The following PRRG4 variants were observed in gnomAD, a reference collection of about 807,000 sequenced individuals.
The protein encoded by PRRG4 is transmembrane gamma-carboxyglutamic acid protein 4.
Under a neutral mutation model 20.0 loss-of-function variants are expected in PRRG4, and 12 were observed. The observed-to-expected ratio is 0.60, with a 90% confidence interval of 0.38 to 0.97. The LOEUF is 0.97. Among genes scored for constraint, PRRG4 ranks in the 50% least tolerant of loss-of-function variants. PRRG4 has a pLI of 0.00. For synonymous variants in PRRG4, 94 were observed against 96.4 expected (o/e 0.98, Z 0.15); for missense variants, 199 against 265.1 (o/e 0.75, Z 1.73).
intron 2 of PRRG4, among the ~76,000 whole-genome samples, chr11:32,835,161 G>A (rs1383401427): frequency 1.3e-5 from 2 of 152,114 alleles, no homozygotes; most frequent in African/African-American, 4.8e-5. Flanking sequence ...TACCATATTA[G>A]ACAAAATAGT....
rs1851065920 is a variant in PRRG4 at position 32,840,272 on chromosome 11, C to G, written c.449+33C>G. ...CTAAGTGAAATTATTTAATTCATCA[C>G]TAGACATTCTATATTATTATTTTAA... On this transcript the variant is annotated intron_variant, in intron 5 of 5. Coordinates refer to ENST00000257836, the MANE Select transcript of PRRG4 (RefSeq NM_024081.6). The surrounding 1 kb of genome is among the most constrained non-coding windows in gnomAD (Gnocchi z 4.1). 5.7e-6 allele frequency: 8 copies of G among 1,414,276 alleles called. No individual in the cohort carries two copies. Among genetic ancestry groups the G allele is most frequent in the African/African-American group, 1.4e-5 (1 of 70,972 alleles). The allele number at this position is 1,414,276 out of a possible 1,614,324, so 87.6% of individuals were successfully genotyped here.
intron 5 of PRRG4, among the ~76,000 whole-genome samples, chr11:32,852,680 A>G (rs1851193206): frequency 6.6e-6 from 1 of 152,080 alleles, no homozygotes; most frequent in Non-Finnish European, 1.5e-5. Context: ...CTGTGGAGAC[A>G]GCTGATACTA....
chr11:32,835,324 AAC>A (rs1443712871), intron 2 of PRRG4, among the ~76,000 whole-genome samples: 2 of 152,268 alleles, frequency 1.3e-5, no homozygotes, highest in African/African-American at 4.8e-5. Flanking sequence ...ATCTCTCATG[AAC>A]AGTCTTTCAA....
chr11:32,832,975 C>A (rs1226280061), intron 2 of PRRG4, among the ~76,000 whole-genome samples: 1 of 152,152 alleles, frequency 6.6e-6, no homozygotes, highest in African/African-American at 2.4e-5. Flanking sequence ...TCTAAGGAAG[C>A]AGAGCCAAGG....
Position 32,838,746 on chromosome 11 carries a change from C to G in PRRG4, c.268-136C>G. 4 of 622,070 alleles carry G rather than the reference C, an allele frequency of 6.4e-6. 1 individual carries two copies. The South Asian group carries it at 7.8e-5, about 12-fold the overall frequency. The allele number at this position is 622,070 out of a possible 1,614,324, so 38.5% of individuals were successfully genotyped here. ...TGATTTAATTAGAGTGAGTCACACC[C>G]TCCAGCTTGAATGAACTGGTCTCCT... On this transcript the variant is annotated intron_variant, in intron 3 of 5. Coordinates refer to ENST00000257836, the MANE Select transcript of PRRG4 (RefSeq NM_024081.6).
intron 2 of PRRG4, among the ~76,000 whole-genome samples, chr11:32,834,932 G>A (rs200202429): frequency 6.6e-6 from 1 of 152,118 alleles, no homozygotes; most frequent in East Asian, 1.9e-4. Context: ...TCCCACCTCA[G>A]CCTCTCGAGT....
chr11:32,844,683 T>G (rs762414953), intron 5 of PRRG4, among the ~76,000 whole-genome samples: 6 of 151,922 alleles, frequency 3.9e-5, no homozygotes, highest in Non-Finnish European at 5.9e-5. Flanking sequence ...GTATTTTTAG[T>G]AGAGACGAGG....
chr11:32,832,086 T>A (rs998592505), intron 2 of PRRG4, among the ~76,000 whole-genome samples: 5 of 151,910 alleles, frequency 3.3e-5, no homozygotes, highest in African/African-American at 1.2e-4. Flanking sequence ...CATACTTGAG[T>A]GTGGAGGGCT....
chr11:32,831,596 C>CT (rs992980018), intron 2 of PRRG4, among the ~76,000 whole-genome samples: 1 of 152,150 alleles, frequency 6.6e-6, no homozygotes, highest in Non-Finnish European at 1.5e-5. Context: ...GAAGAGGATC[C>CT]TTTTTAGTCC....
chr11:32,830,358 C>A, intron 1 of PRRG4, 150 bp from the exon 2 acceptor site: 2 of 819,364 alleles, frequency 2.4e-6, no homozygotes, highest in Non-Finnish European at 3.4e-6. Context: ...GCTTCCTGGG[C>A]GCGCGTCGGG....
intron 5 of PRRG4, among the ~76,000 whole-genome samples, chr11:32,845,677 GT>G (rs1348900888): frequency 7.1e-4 from 2 of 2,830 alleles, no homozygotes; most frequent in Non-Finnish European, 9.9e-4. Flanking sequence ...GGAATGTCAA[GT>G]CAAGCAGGCA....
chr11:32,843,974 TTA>T (rs1460334402), intron 5 of PRRG4, among the ~76,000 whole-genome samples: 2 of 152,208 alleles, frequency 1.3e-5, no homozygotes, highest in Non-Finnish European at 2.9e-5. Context: ...AGCATTTCAT[TTA>T]TGTTTGATGA....
intron 5 of PRRG4, among the ~76,000 whole-genome samples, chr11:32,844,737 G>C (rs969408699): frequency 1.3e-5 from 2 of 152,080 alleles, no homozygotes; most frequent in African/African-American, 4.8e-5. Context: ...CTGACCTCAA[G>C]TAATCCTCGT....
intron 5 of PRRG4, among the ~76,000 whole-genome samples, chr11:32,846,681 AGTC>A (rs1851133436): frequency 6.6e-6 from 1 of 150,600 alleles, no homozygotes; most frequent in Non-Finnish European, 1.5e-5. Context: ...AGGAAAAAGA[AGTC>A]GTAGAACTTG....
rs887676594 is a variant in PRRG4 at position 32,843,661 on chromosome 11, C to T, written c.449+3422C>T. Among the ~76,000 whole-genome samples the T allele has an allele frequency of 2.6e-5, 4 of 151,512 alleles. No homozygotes were observed. In the East Asian group the frequency reaches 7.7e-4, roughly 29 times the overall value. On this transcript the variant is annotated intron_variant, in intron 5 of 5. Transcript: ENST00000257836. Reference sequence around the variant, plus strand: ...GTAACATAAAATTTACCATCTTAACCGTTTTTAAGTATACAGTTCAGTAGT... The same window carrying T: ...GTAACATAAAATTTACCATCTTAACTGTTTTTAAGTATACAGTTCAGTAGT...
intron 5 of PRRG4, among the ~76,000 whole-genome samples, chr11:32,853,067 C>T (rs1490966468): frequency 2.6e-5 from 4 of 151,258 alleles, no homozygotes; most frequent in South Asian, 2.1e-4. Context: ...GGATTACAGG[C>T]GTGAGCCACC....
intron 4 of PRRG4, among the ~76,000 whole-genome samples, chr11:32,839,658 G>A (rs1477131881): frequency 2.3e-5 from 3 of 128,414 alleles, no homozygotes; most frequent in Non-Finnish European, 5.0e-5. Flanking sequence ...TAAAATATAA[G>A]TATTATATTT....
At chr11:32,848,506 G>C (rs1232155527) in intron 5 of PRRG4, among the ~76,000 whole-genome samples, 1 of 151,856 alleles carries the variant, frequency 6.6e-6, no homozygotes, top group East Asian at 1.9e-4. Flanking sequence ...CTTGTGAGTG[G>C]AATTAATACC....
rs1851223309 is a variant in PRRG4 at position 32,855,703 on chromosome 11, G to A, written c.*2176G>A. The A allele has an allele frequency of 6.6e-6, 1 of 152,102 alleles. No individual in the cohort carries two copies. The highest frequency in any genetic ancestry group is 1.5e-5 in the Non-Finnish European group (1 of 68,024). The allele number at this position is 152,102 out of a possible 1,614,324, so 9.4% of individuals were successfully genotyped here. On this transcript the variant is annotated 3_prime_UTR_variant, in exon 6 of 6. Transcript: ENST00000257836. ...TCTAGCAACATTTACATTTAATTAG[G>A]AAATCTAACTTGCTTTTAAAAGTTA...
Sources: gnomAD v4.1 joint callset for allele counts (sites outside exome capture counted in the v4.1 genomes callset) on GRCh38, gnomAD v4.1.1 for gene constraint, Gnocchi (gnomAD v3.1) non-coding constraint, MANE v1.5 for transcripts, NCBI Gene and HGNC (gene_info 2026-07-23, HGNC 2026-07-21) for gene names.